MBNL2: variants seen among roughly 807,000 people sequenced by gnomAD.
MBNL2 encodes muscleblind-like protein 2.
Under a neutral mutation model 41.9 loss-of-function variants are expected in MBNL2, and 17 were observed. The observed-to-expected ratio is 0.41, with a 90% CI of 0.28 to 0.61. The LOEUF (loss-of-function observed/expected upper bound fraction) is 0.61. MBNL2 is among the 20% of genes least tolerant of loss of function. The pLI is 0.35. For synonymous variants in MBNL2, 195 were observed against 182.9 expected (o/e 1.07, Z -0.53); for missense variants, 336 against 505.6 (o/e 0.66, Z 3.22).
chr13:97,226,225 A>G (rs1425619167), intron 1 of MBNL2, among the ~76,000 whole-genome samples: 1 of 152,208 alleles, frequency 6.6e-6, no homozygotes, highest in African/African-American at 2.4e-5. Context: ...GGTAAGGCCT[A>G]AGGGTTTCTT....
the MBNL2 span, among the ~76,000 whole-genome samples, chr13:97,176,847 A>G: frequency 6.6e-6 from 1 of 152,148 alleles, no homozygotes; most frequent in Non-Finnish European, 1.5e-5. Flanking sequence ...CTTTGCCACT[A>G]CTGCAATTGG....
chr13:97,191,548 C>T, the MBNL2 span, among the ~76,000 whole-genome samples: 1 of 151,868 alleles, frequency 6.6e-6, no homozygotes, highest in African/African-American at 2.4e-5. Flanking sequence ...ACACAAGCTA[C>T]ACAGAAACAC....
At chr13:97,154,222 ACTGATTCTT>A in the MBNL2 span, among the ~76,000 whole-genome samples, 2 of 152,174 alleles carry the variant, frequency 1.3e-5, no homozygotes, top group Non-Finnish European at 2.9e-5. Context: ...CTGGAGATGG[ACTGATTCTT>A]CCCATTCTCA....
At chr13:97,309,250 A>G (rs2058374395) in intron 2 of MBNL2, among the ~76,000 whole-genome samples, 1 of 152,198 alleles carries the variant, frequency 6.6e-6, no homozygotes, top group Admixed American at 6.5e-5. Context: ...GAAAAATGTC[A>G]AAATGACCTT....
chr13:97,306,495 GTGGTC>G (rs2058140226), intron 2 of MBNL2, among the ~76,000 whole-genome samples: 3 of 152,144 alleles, frequency 2.0e-5, no homozygotes, highest in Admixed American at 2.0e-4. Flanking sequence ...CAAACTCATG[GTGGTC>G]ACTCCTTGCC....
chr13:97,256,693 ATGTAGATAGAATCTCAG>A, intron 1 of MBNL2, among the ~76,000 whole-genome samples: 1 of 152,200 alleles, frequency 6.6e-6, no homozygotes, highest in African/African-American at 2.4e-5. Flanking sequence ...CATAGACAGT[ATGTAGATAGAATCTCAG>A]GACAACCTGG....
At chr13:97,252,429 T>C (rs925229054) in intron 1 of MBNL2, among the ~76,000 whole-genome samples, 4 of 152,266 alleles carry the variant, frequency 2.6e-5, no homozygotes, top group South Asian at 2.1e-4. Context: ...AAAAATCCCT[T>C]TGAGGTTTTA....
Position 97,391,470 on chromosome 13 carries a change from G to C in MBNL2, c.*21G>C. 1 of 963,254 alleles carries C rather than the reference G, an allele frequency of 1.0e-6. No homozygotes were observed. Among genetic ancestry groups the C allele is most frequent in the Non-Finnish European group, 1.7e-6 (1 of 587,166 alleles). 59.7% of individuals were successfully genotyped at this position (963,254 alleles called of 1,614,324 possible). A position where few individuals can be genotyped will look rare whatever the true frequency, so the allele number is the denominator to read the frequency against. ...GCTAAATAAAGATGTAGTTCTTCTG[G>C]ACAGACCACAACTCTAAGAAGCTAG... is the stretch of plus-strand genomic sequence containing the variant. On this transcript the variant is annotated 3_prime_UTR_variant, in exon 9 of 9. Transcript: ENST00000679496.
At chr13:97,174,559 A>T in the MBNL2 span, among the ~76,000 whole-genome samples, 2 of 152,236 alleles carry the variant, frequency 1.3e-5, no homozygotes, top group East Asian at 3.8e-4. Flanking sequence ...CTTCATAGGG[A>T]GATGCTAACA....
chr13:97,375,650 T>C (rs1180990849), intron 8 of MBNL2, among the ~76,000 whole-genome samples: 1 of 152,188 alleles, frequency 6.6e-6, no homozygotes, highest in Non-Finnish European at 1.5e-5. Context: ...TGTGAAGACG[T>C]CACATGTTTG....
rs1328716141 is a variant in MBNL2, at chr13:97,346,488, G to T, written c.541-316G>T. Among the ~76,000 whole-genome samples the T allele has an allele frequency of 6.6e-6, 1 of 152,228 alleles. No homozygotes were observed. The highest frequency in any genetic ancestry group is 1.5e-5 in the Non-Finnish European group (1 of 68,038). ...GGATAGACAGACAGACAGATCGATA[G>T]ACAGCTGCATAATATGCTACCCAGG... On this transcript the variant is annotated intron_variant, in intron 4 of 8. Coordinates refer to ENST00000679496, the MANE Select transcript of MBNL2 (RefSeq NM_001382683.1). The surrounding 1 kb of genome is among the most constrained non-coding windows in gnomAD (Gnocchi z 4.2).
rs758788068 is a variant in MBNL2, at chr13:97,356,827, C to G, written c.836C>G (p.Pro279Arg). The G allele has an allele frequency of 7.3e-7, 1 of 1,362,708 alleles. No individual in the cohort carries two copies. The highest frequency in any genetic ancestry group is 4.6e-5 in the East Asian group (1 of 21,928). The allele number at this position is 1,362,708 out of a possible 1,614,324, so 84.4% of individuals were successfully genotyped here. A position where few individuals can be genotyped will look rare whatever the true frequency, so the allele number is the denominator to read the frequency against. The change falls in exon 6 of 9, where the codon CCT becomes CGT. Residue 279 changes from proline to arginine, a missense_variant. Physicochemically the swap from Pro to Arg is moderately radical, Grantham distance 103. Coordinates refer to ENST00000679496, the MANE Select transcript of MBNL2 (RefSeq NM_001382683.1). ...TQSTAKAMKR[P>R]LEATVDLAFP... ...TCGACTGCCAAAGCAATGAAGCGAC[C>G]TCTCGAAGCAACTGTAGACCTGGTA...
In MBNL2 at chr13:97,391,671, T is replaced by C. The variant is rs1566459274; in HGVS notation, c.*222T>C. 2.4e-6 allele frequency: 1 copy of C among 408,872 alleles called. No homozygotes were observed. The highest frequency in any genetic ancestry group is 4.3e-6 in the Non-Finnish European group (1 of 232,294). The allele number at this position is 408,872 out of a possible 1,614,324, so 25.3% of individuals were successfully genotyped here. ...GAATATTGTCTTATCTCCATAACTATAGCTGATGCAGAAAGTCCAGCCAGT... is the reference window on the plus strand; with the variant it reads ...GAATATTGTCTTATCTCCATAACTACAGCTGATGCAGAAAGTCCAGCCAGT... On this transcript the variant is annotated 3_prime_UTR_variant, in exon 9 of 9. Transcript: ENST00000679496.
At chr13:97,186,533 A>T in the MBNL2 span, among the ~76,000 whole-genome samples, 1 of 152,246 alleles carries the variant, frequency 6.6e-6, no homozygotes, top group Non-Finnish European at 1.5e-5. Flanking sequence ...ATTATCTTTT[A>T]ATAAAAGTTA....
intron 5 of MBNL2, among the ~76,000 whole-genome samples, chr13:97,349,379 A>G (rs2062207704): frequency 6.6e-6 from 1 of 152,212 alleles, no homozygotes; most frequent in Non-Finnish European, 1.5e-5. Flanking sequence ...TGCGACATCC[A>G]TTCTACTATC....
intron 1 of MBNL2, among the ~76,000 whole-genome samples, chr13:97,236,636 T>C (rs934984242): frequency 6.6e-6 from 1 of 152,124 alleles, no homozygotes; most frequent in Non-Finnish European, 1.5e-5. Context: ...CACTTGGACC[T>C]CCGCTTTTTA....
At chr13:97,209,625 CAGTG>C in the MBNL2 span, among the ~76,000 whole-genome samples, 4 of 152,106 alleles carry the variant, frequency 2.6e-5, no homozygotes, top group African/African-American at 7.2e-5. Flanking sequence ...ATTTGGGTGT[CAGTG>C]AGTCTAATTA....
Position 97,257,971 on chromosome 13 carries a change from G to A in MBNL2, c.-604-17661G>A, listed in dbSNP as rs565762819. Among the ~76,000 whole-genome samples, 6 of 152,322 alleles carry A rather than the reference G, an allele frequency of 3.9e-5. No individual in the cohort carries two copies. The South Asian group carries it at 1.0e-3, about 26-fold the overall frequency. ...TGTTACCATGGAGACACAGCACAGG[G>A]TGACCTTGCTTAGAAATGATGACAA... On this transcript the variant is annotated intron_variant, in intron 1 of 8. Coordinates refer to ENST00000679496, the MANE Select transcript of MBNL2 (RefSeq NM_001382683.1).
At position 97,357,468 on chromosome 13, in the gene MBNL2, T is replaced by G. The variant is rs202237961; in HGVS notation, c.859-14T>G. ...TTTAAGTTAGACATATCTTATCGAA[T>G]TCTTCATTTCTAGGCCTTTCCCCCT... On this transcript the variant is annotated splice_polypyrimidine_tract_variant and intron_variant, in intron 6 of 8. Transcript: ENST00000679496. 6.2e-7 allele frequency: 1 copy of G among 1,612,260 alleles called. No homozygotes were observed. Among genetic ancestry groups the G allele is most frequent in the Non-Finnish European group, 8.5e-7 (1 of 1,178,364 alleles).
Sources: allele counts gnomAD v4.1 joint callset (sites outside exome capture counted in the v4.1 genomes callset), GRCh38; gene constraint gnomAD v4.1.1; non-coding constraint Gnocchi (gnomAD v3.1); transcripts MANE v1.5; gene names NCBI Gene and HGNC (gene_info 2026-07-23, HGNC 2026-07-21).